Variants in MACROD2 observed in about 807,000 individuals in gnomAD.
MACROD2 encodes the protein mono-ADP ribosylhydrolase 2, also known as ADP-ribose glycohydrolase MACROD2.
Under a neutral mutation model 70.4 loss-of-function variants are expected in MACROD2, and 36 were observed. The ratio of observed to expected loss-of-function variants is 0.51; its 90% CI spans 0.39 to 0.68. MACROD2 has a LOEUF of 0.68. MACROD2 is among the 30% of genes least tolerant of loss of function. MACROD2 has a pLI of 0.00. For synonymous variants in MACROD2, 172 were observed against 178.8 expected, an observed-to-expected ratio of 0.96 and a Z score of 0.30; for missense variants, 496 against 538.4, an observed-to-expected ratio of 0.92 and a Z score of 0.78.
rs1438830395 is a variant in MACROD2, at chr20:14,326,509, A to G, written c.272-166970A>G. 1.2e-6 allele frequency: 2 copies of G among 1,613,900 alleles called. No homozygotes were observed. Among genetic ancestry groups the G allele is most frequent in the Non-Finnish European group, 1.7e-6 (2 of 1,179,856 alleles). ...ACGAACCTTTTCTGGGGCTTGGCAC[A>G]TGAGCCCACGCACGTTGACCTTCAC... On this transcript the variant is annotated intron_variant, in intron 3 of 17. Coordinates refer to ENST00000684519, the MANE Select transcript of MACROD2 (RefSeq NM_001351661.2). This position sits in a 1 kb window ranked among gnomAD's most constrained non-coding sequence, Gnocchi z 5.5.
intron 12 of MACROD2, among the ~76,000 whole-genome samples, chr20:15,940,274 T>TA (rs895847290): frequency 7.5e-6 from 1 of 133,116 alleles, no homozygotes; most frequent in African/African-American, 2.7e-5. Flanking sequence ...TTTTTTTTTT[T>TA]AAGTAGAGAC....
chr20:14,843,372 A>G (rs1489995379), intron 5 of MACROD2, among the ~76,000 whole-genome samples: 1 of 151,806 alleles, frequency 6.6e-6, no homozygotes, highest in African/African-American at 2.4e-5. Flanking sequence ...ATACAGTAGT[A>G]TATGCATATA....
intron 4 of MACROD2, among the ~76,000 whole-genome samples, chr20:14,649,449 C>T (rs1399969920): frequency 6.6e-6 from 1 of 152,264 alleles, no homozygotes; most frequent in Middle Eastern, 3.4e-3. Flanking sequence ...GAACAATCAT[C>T]TGGACTAAGT....
chr20:14,330,518 T>G (rs1293717492), intron 3 of MACROD2, among the ~76,000 whole-genome samples: 1 of 152,106 alleles, frequency 6.6e-6, no homozygotes, highest in Non-Finnish European at 1.5e-5. Context: ...AGGCCACAAT[T>G]TGTGTTTCTG....
chr20:15,158,329 A>G (rs2145871170), intron 5 of MACROD2, among the ~76,000 whole-genome samples: 1 of 152,302 alleles, frequency 6.6e-6, no homozygotes, highest in East Asian at 1.9e-4. Flanking sequence ...AGTAATAATA[A>G]TAGCAATCAG....
intron 5 of MACROD2, among the ~76,000 whole-genome samples, chr20:15,158,453 C>A (rs1014898884): frequency 5.3e-5 from 8 of 152,060 alleles, no homozygotes; most frequent in Admixed American, 5.2e-4. Flanking sequence ...AAATTGAATA[C>A]CACAGAGAAA....
chr20:14,180,035 C>T (rs2081293558), intron 3 of MACROD2, among the ~76,000 whole-genome samples: 1 of 152,016 alleles, frequency 6.6e-6, no homozygotes, highest in Non-Finnish European at 1.5e-5. Context: ...CAGAACTTAC[C>T]ATCCCAAACC....
intron 5 of MACROD2, among the ~76,000 whole-genome samples, chr20:14,805,813 G>A (rs542261653): frequency 6.6e-6 from 1 of 152,024 alleles, no homozygotes; most frequent in Admixed American, 6.6e-5. Flanking sequence ...CTAGAAAAAA[G>A]TGAACCCTAG....
At chr20:14,117,133 A>T (rs2054526022) in intron 3 of MACROD2, among the ~76,000 whole-genome samples, 1 of 151,030 alleles carries the variant, frequency 6.6e-6, no homozygotes, top group African/African-American at 2.4e-5. Flanking sequence ...TTTACTTTGT[A>T]TTCCCCCTCA....
intron 5 of MACROD2, among the ~76,000 whole-genome samples, chr20:14,932,217 G>A (rs964743828): frequency 3.3e-5 from 5 of 152,038 alleles, no homozygotes; most frequent in African/African-American, 1.2e-4. Context: ...CTTGTTAGAG[G>A]TTTTGCAGAA....
intron 3 of MACROD2, among the ~76,000 whole-genome samples, chr20:14,355,736 ATATTT>A (rs2083166072): frequency 6.6e-6 from 1 of 152,238 alleles, no homozygotes; most frequent in African/African-American, 2.4e-5. Context: ...ATTGTTATGC[ATATTT>A]TAAAAATTAG....
chr20:14,161,922 T>C (rs1601296535), intron 3 of MACROD2, among the ~76,000 whole-genome samples: 1 of 152,156 alleles, frequency 6.6e-6, no homozygotes, highest in Non-Finnish European at 1.5e-5. Flanking sequence ...TTCAATCACT[T>C]TGCTATTGTG....
rs944187884 is a variant in MACROD2, at chr20:14,082,776, T to C, written c.164-2845T>C. 5.9e-5 allele frequency among the ~76,000 whole-genome samples: 9 copies of C among 152,202 alleles called. No homozygotes were observed. The South Asian group carries it at 8.3e-4, about 14-fold the overall frequency. On this transcript the variant is annotated intron_variant, in intron 2 of 17. Transcript: ENST00000684519. ...ATCTTCAGTGATGAATCTTTGTAAT[T>C]TCTAGGTTCACAATAGTCTAAATAT...
At chr20:15,149,251 A>G (rs1189887141) in intron 5 of MACROD2, among the ~76,000 whole-genome samples, 3 of 152,072 alleles carry the variant, frequency 2.0e-5, no homozygotes, top group Non-Finnish European at 4.4e-5. Flanking sequence ...TTGAGGATAG[A>G]TTTCCACGAT....
intron 6 of MACROD2, among the ~76,000 whole-genome samples, chr20:15,415,203 C>T (rs1005366137): frequency 1.3e-5 from 2 of 152,138 alleles, no homozygotes; most frequent in African/African-American, 4.8e-5. Context: ...GATTTTGCAG[C>T]TGGATGTGAG....
intron 5 of MACROD2, among the ~76,000 whole-genome samples, chr20:15,174,565 T>C (rs1451861998): frequency 6.6e-6 from 1 of 152,144 alleles, no homozygotes; most frequent in Non-Finnish European, 1.5e-5. Context: ...TCTAGATCCC[T>C]GAGGAATCGC....
chr20:14,255,829 T>C (rs890923221), intron 3 of MACROD2, among the ~76,000 whole-genome samples: 6 of 151,978 alleles, frequency 3.9e-5, no homozygotes, highest in Non-Finnish European at 8.8e-5. Context: ...ACATTCTCCC[T>C]CTCTCTCTTT....
At chr20:14,752,888 A>G (rs1455245477) in intron 5 of MACROD2, among the ~76,000 whole-genome samples, 1 of 152,122 alleles carries the variant, frequency 6.6e-6, no homozygotes, top group Non-Finnish European at 1.5e-5. Flanking sequence ...AGAGTGTATG[A>G]TTGAGTTTGC....
intron 2 of MACROD2, among the ~76,000 whole-genome samples, chr20:14,050,504 A>C (rs1014414138): frequency 6.6e-6 from 1 of 152,190 alleles, no homozygotes; most frequent in Non-Finnish European, 1.5e-5. Flanking sequence ...AGAGACGGAC[A>C]GACGTGTAGA....
Sources: allele counts gnomAD v4.1 joint callset (sites outside exome capture counted in the v4.1 genomes callset), GRCh38; gene constraint gnomAD v4.1.1; non-coding constraint Gnocchi (gnomAD v3.1); transcripts MANE v1.5; gene names NCBI Gene and HGNC (gene_info 2026-07-23, HGNC 2026-07-21).